The following SCN9A variants were observed in gnomAD, a reference collection of about 807,000 sequenced individuals.
The protein encoded by SCN9A is sodium voltage-gated channel alpha subunit 9.
A neutral mutation model predicts 187.0 loss-of-function variants in SCN9A; 131 were observed. The ratio of observed to expected loss-of-function variants is 0.70; its 90% CI spans 0.61 to 0.81. SCN9A has a LOEUF of 0.81. Ranked by LOEUF, SCN9A falls within the 30% of genes least tolerant of loss-of-function variation. The pLI, the probability that SCN9A is intolerant of heterozygous loss-of-function variation, is 0.00. For synonymous variants in SCN9A, 809 were observed against 808.6 expected (o/e 1.00, Z -0.01); for missense variants, 2,252 against 2,396.6 (o/e 0.94, Z 1.26).
intron 14 of SCN9A, 92 bp from the exon 15 acceptor site, chr2:166,278,405 G>T: frequency 9.5e-7 from 1 of 1,051,884 alleles, no homozygotes; most frequent in Non-Finnish European, 1.3e-6. Context: ...CATTTACTGT[G>T]TTCCAGACAG....
At chr2:166,228,401 C>T (rs549799881) in intron 22 of SCN9A, among the ~76,000 whole-genome samples, 26 of 151,710 alleles carry the variant, frequency 1.7e-4, no homozygotes, top group Non-Finnish European at 2.7e-4. Context: ...GGATTACAGG[C>T]GCCTGCCACC....
chr2:166,226,318 G>T (rs931290126), intron 24 of SCN9A, among the ~76,000 whole-genome samples: 2 of 152,076 alleles, frequency 1.3e-5, no homozygotes, highest in African/African-American at 4.8e-5. Context: ...TTGATATATT[G>T]CTCAAAACCT....
In SCN9A at chr2:166,305,914, A is replaced by C; in HGVS notation, c.474T>G (p.Thr158=). 6.2e-6 allele frequency: 10 copies of C among 1,612,950 alleles called. No individual in the cohort carries two copies. The highest frequency in any genetic ancestry group is 8.5e-6 in the Non-Finnish European group (10 of 1,179,334). The change falls in exon 5 of 27, where the codon ACT becomes ACG. Residue 158 remains threonine, a synonymous_variant. Transcript: ENST00000642356. ...PPDWTKNVEY[T]FTGIYTFESL... is the part of the protein sequence containing the mutation. ...ATTCAAAAGTATATATTCCAGTAAA[A>C]GTGTACCTAAACACAAGATTCCATT...
chr2:166,205,289 G>T (rs1257618646), intron 24 of SCN9A: 1 of 152,244 alleles, frequency 6.6e-6, no homozygotes, highest in Admixed American at 6.5e-5. Flanking sequence ...AACCAAAACA[G>T]CATGGTACTG....
intron 23 of SCN9A, 43 bp downstream of exon 23, chr2:166,227,627 G>A (rs1574758352): frequency 1.8e-6 from 2 of 1,117,794 alleles, no homozygotes; most frequent in Non-Finnish European, 2.7e-6. Context: ...AAACTAAGAA[G>A]CTTTTAAAAA....
chr2:166,233,674 T>C (rs1011654204), intron 20 of SCN9A, among the ~76,000 whole-genome samples: 2 of 152,074 alleles, frequency 1.3e-5, no homozygotes, highest in African/African-American at 4.8e-5. Flanking sequence ...GAAGAAATAA[T>C]GTAAGCAAAG....
At position 166,204,419 on chromosome 2, in the gene SCN9A, A is replaced by G. The variant is rs1442430967; in HGVS notation, c.4444T>C (p.Tyr1482His). 6.2e-7 allele frequency: 1 copy of G among 1,607,938 alleles called. No homozygotes were observed. Among genetic ancestry groups the G allele is most frequent in the South Asian group, 1.1e-5 (1 of 89,092 alleles). The change falls in exon 25 of 27, where the codon TAT becomes CAT. Residue 1482 changes from tyrosine to histidine, a missense_variant. Tyr to His is a moderately conservative substitution (Grantham distance 83). Transcript: ENST00000642356. ...GACCCCAGCTTTTTCATTGCATTAT[A>G]GTATTTCTTCTGTTCTTCTGTCATA... is the stretch of plus-strand genomic sequence containing the variant. The part of the protein sequence containing the change: ...IFMTEEQKKY[Y>H]NAMKKLGSKK...
Position 166,251,856 on chromosome 2 carries a change from G to A in SCN9A, c.3381C>T (p.Cys1127=), listed in dbSNP as rs1302216434. Residue 1127 remains cysteine, a synonymous_variant, in exon 18 of 27, where the codon TGC becomes TGT. Coordinates refer to ENST00000642356, the MANE Select transcript of SCN9A (RefSeq NM_001365536.1). ...VRLNRSSSSE[C]STVDNPLPGE... is the part of the protein sequence containing the mutation. ...CAGGCAAAGGGTTATCAACTGTGCT[G>A]CACTCTGAGGAGCTTGACCGGTTTA... is the stretch of plus-strand genomic sequence containing the variant. The A allele has an allele frequency of 6.2e-6, 10 of 1,612,254 alleles. No homozygotes were observed. Among genetic ancestry groups the A allele is most frequent in the African/African-American group, 5.3e-5 (4 of 74,788 alleles).
At chr2:166,325,950 A>G (rs750411662) in intron 1 of SCN9A, among the ~76,000 whole-genome samples, 20 of 152,148 alleles carry the variant, frequency 1.3e-4, no homozygotes, top group Non-Finnish European at 2.9e-4. Context: ...TTCATAACTT[A>G]TCTACTCATA....
At chr2:166,270,944 C>A (rs12619240) in intron 17 of SCN9A, among the ~76,000 whole-genome samples, 3 of 151,548 alleles carry the variant, frequency 2.0e-5, no homozygotes, top group Non-Finnish European at 4.4e-5. Flanking sequence ...TAAATGATGC[C>A]TTAAGACTTG....
chr2:166,207,215 G>T (rs191028937), intron 24 of SCN9A, among the ~76,000 whole-genome samples: 1 of 152,194 alleles, frequency 6.6e-6, no homozygotes, highest in African/African-American at 2.4e-5. Flanking sequence ...TTATAGTTCT[G>T]AGATCATTAC....
At position 166,200,180 on chromosome 2, in the gene SCN9A, G is replaced by C. The variant is rs552214417; in HGVS notation, c.4775-316C>G. 2.4e-3 allele frequency among the ~76,000 whole-genome samples: 356 copies of C among 148,942 alleles called. 3 individuals are homozygous for C. The highest frequency in any genetic ancestry group is 3.5e-3 in the Middle Eastern group (1 of 288). On this transcript the variant is annotated intron_variant, in intron 26 of 26. Coordinates refer to ENST00000642356, the MANE Select transcript of SCN9A (RefSeq NM_001365536.1). ...GCCCGGCTAATTTTTTGTATTTTTA[G>C]TAGAGACGGGGTTTCACCTTGTTAG...
intron 2 of SCN9A, among the ~76,000 whole-genome samples, chr2:166,309,517 A>G (rs1698872243): frequency 6.6e-6 from 1 of 152,194 alleles, no homozygotes; most frequent in Admixed American, 6.5e-5. Context: ...CAAAGAGAAT[A>G]AAATACCTAG....
At chr2:166,267,002 AAG>A (rs1368610664) in intron 17 of SCN9A, among the ~76,000 whole-genome samples, 2 of 151,940 alleles carry the variant, frequency 1.3e-5, no homozygotes, top group Non-Finnish European at 2.9e-5. Context: ...TATAAAAACA[AAG>A]AGAATTTGAC....
intron 17 of SCN9A, among the ~76,000 whole-genome samples, chr2:166,258,392 ACTTATT>A (rs1696367539): frequency 6.6e-6 from 1 of 151,474 alleles, no homozygotes; most frequent in Non-Finnish European, 1.5e-5. Context: ...ATAATCAGAA[ACTTATT>A]CTTATCAATG....
chr2:166,351,727 G>T (rs1394210640), intron 1 of SCN9A, among the ~76,000 whole-genome samples: 1 of 152,132 alleles, frequency 6.6e-6, no homozygotes, highest in Non-Finnish European at 1.5e-5. Flanking sequence ...AGTCTTTAGA[G>T]CCAAGTGCCC....
intron 18 of SCN9A, among the ~76,000 whole-genome samples, chr2:166,249,991 T>C (rs1235860928): frequency 6.6e-6 from 1 of 152,130 alleles, no homozygotes; most frequent in Non-Finnish European, 1.5e-5. Flanking sequence ...CTCTGTAACA[T>C]GGACACTTTT....
At chr2:166,222,912 CAG>C (rs2106377259) in intron 24 of SCN9A, among the ~76,000 whole-genome samples, 1 of 93,058 alleles carries the variant, frequency 1.1e-5, no homozygotes, top group African/African-American at 4.8e-5. Context: ...GCCTGGGCGA[CAG>C]AGCGAAACTC....
chr2:166,222,134 A>G (rs1024759755), intron 24 of SCN9A, among the ~76,000 whole-genome samples: 7 of 152,166 alleles, frequency 4.6e-5, no homozygotes, highest in African/African-American at 1.7e-4. Context: ...CAAACTAAAA[A>G]GCTTTGGGAA....
Sources: allele counts gnomAD v4.1 joint callset (sites outside exome capture counted in the v4.1 genomes callset), GRCh38; gene constraint gnomAD v4.1.1; transcripts MANE v1.5; gene names NCBI Gene and HGNC (gene_info 2026-07-23, HGNC 2026-07-21).